Variants in STARD6 observed in about 807,000 individuals in gnomAD.
The protein encoded by STARD6 is stAR-related lipid transfer protein 6.
A neutral mutation model predicts 22.3 loss-of-function variants in STARD6; 21 were observed. That is an observed-to-expected ratio of 0.94 (90% CI 0.67 to 1.35). STARD6 has a LOEUF of 1.35. Among genes scored for constraint, STARD6 ranks in the 40% most tolerant of loss-of-function variants. The pLI, the probability that STARD6 is intolerant of heterozygous loss-of-function variation, is 0.00. For missense variants in STARD6, 269 were observed against 266.9 expected (o/e 1.01, Z -0.05); for synonymous variants, 80 against 88.1 (o/e 0.91, Z 0.52).
chr18:54,340,915 G>A (rs1599303614), intron 4 of STARD6, among the ~76,000 whole-genome samples: 1 of 152,038 alleles, frequency 6.6e-6, no homozygotes, highest in African/African-American at 2.4e-5. Flanking sequence ...ATGATAAAAG[G>A]GTTAACCTGT....
At chr18:54,356,292 A>G (rs1183450701) in intron 2 of STARD6, 69 bp downstream of exon 2, 1 of 152,214 alleles carries the variant, frequency 6.6e-6, no homozygotes, top group African/African-American at 2.4e-5. Flanking sequence ...GATAGTCTCT[A>G]TATTTGAAAA....
chr18:54,344,757 C>T (rs2089019890), intron 4 of STARD6, among the ~76,000 whole-genome samples: 2 of 152,048 alleles, frequency 1.3e-5, no homozygotes, highest in East Asian at 3.9e-4. Context: ...TATGAATTAT[C>T]AATTACTACA....
At chr18:54,333,035 C>T (rs1395460173) in intron 5 of STARD6, among the ~76,000 whole-genome samples, 1 of 152,182 alleles carries the variant, frequency 6.6e-6, no homozygotes, top group East Asian at 1.9e-4. Flanking sequence ...AGTCCTGGTT[C>T]TATCACATAT....
intron 1 of STARD6, among the ~76,000 whole-genome samples, 183 bp downstream of exon 1, chr18:54,357,609 G>A (rs931777845): frequency 6.6e-6 from 1 of 152,162 alleles, no homozygotes; most frequent in Non-Finnish European, 1.5e-5. Context: ...GCGCCCTTAA[G>A]TCTCCCTCCC....
intron 4 of STARD6, among the ~76,000 whole-genome samples, chr18:54,343,309 C>T (rs1331528576): frequency 7.5e-6 from 1 of 132,720 alleles, no homozygotes; most frequent in East Asian, 2.2e-4. Flanking sequence ...GCCCAGCAGC[C>T]ACCCCATCTG....
intron 7 of STARD6, among the ~76,000 whole-genome samples, chr18:54,326,833 G>A (rs2088829342): frequency 6.6e-6 from 1 of 151,896 alleles, no homozygotes; most frequent in African/African-American, 2.4e-5. Context: ...ACACATTTAT[G>A]TTAATAAATT....
chr18:54,337,206 A>G lies in STARD6; in HGVS notation c.186T>C (p.Ser62=), dbSNP rs1237417759. Residue 62 remains serine (S), a synonymous_variant, in exon 5 of 8, where the codon TCT becomes TCC. Coordinates refer to ENST00000307844, the MANE Select transcript of STARD6 (RefSeq NM_139171.2). ...GIIPESPAKL[S]DFLYQTGDRI... ...TGTCTCCAGTTTGGTAGAGGAAATC[A>G]GATAGTTTAGCTGGTGATTCTGGAA... 3.7e-6 allele frequency: 6 copies of G among 1,613,398 alleles called. No individual in the cohort carries two copies. The highest frequency in any genetic ancestry group is 5.1e-6 in the Non-Finnish European group (6 of 1,179,646).
At chr18:54,351,518 C>T (rs557355857) in intron 4 of STARD6, among the ~76,000 whole-genome samples, 9 of 152,190 alleles carry the variant, frequency 5.9e-5, no homozygotes, top group Admixed American at 3.3e-4. Context: ...ATCCTTTTCC[C>T]GTTCCAGTTT....
chr18:54,354,126 C>A, intron 3 of STARD6, 23 bp from the exon 4 acceptor site: 3 of 1,457,586 alleles, frequency 2.1e-6, no homozygotes, highest in South Asian at 1.4e-5. Context: ...TAAAAATCCA[C>A]AAATAATTAG....
chr18:54,353,411 G>A (rs2089115179), intron 4 of STARD6, among the ~76,000 whole-genome samples: 1 of 152,220 alleles, frequency 6.6e-6, no homozygotes, highest in East Asian at 1.9e-4. Context: ...GCTCACACCT[G>A]TAATCCCAGC....
intron 5 of STARD6, among the ~76,000 whole-genome samples, chr18:54,332,479 A>C (rs1413438010): frequency 6.6e-6 from 1 of 152,162 alleles, no homozygotes. Flanking sequence ...GAATCATTCA[A>C]ACAAGTCAAT....
chr18:54,353,069 T>C (rs1435715966), intron 4 of STARD6, among the ~76,000 whole-genome samples: 2 of 152,196 alleles, frequency 1.3e-5, no homozygotes, highest in African/African-American at 2.4e-5. Context: ...GGAGAAAGCA[T>C]ATCAGCTTTG....
At chr18:54,329,519 A>T in intron 6 of STARD6, 79 bp from the exon 7 acceptor site, 1 of 1,181,178 alleles carries the variant, frequency 8.5e-7, no homozygotes, top group Non-Finnish European at 1.2e-6. Flanking sequence ...TTTTAGAAAC[A>T]TATAGCATTT....
At chr18:54,340,128 A>G (rs2088956967) in intron 4 of STARD6, among the ~76,000 whole-genome samples, 1 of 152,192 alleles carries the variant, frequency 6.6e-6, no homozygotes, top group Non-Finnish European at 1.5e-5. Context: ...TGGGTAAGAT[A>G]GAAATATCTT....
At chr18:54,344,947 A>G (rs2089021438) in intron 4 of STARD6, among the ~76,000 whole-genome samples, 1 of 152,208 alleles carries the variant, frequency 6.6e-6, no homozygotes, top group Admixed American at 6.5e-5. Context: ...ATCAAACTTA[A>G]TGGTGGAAAA....
chr18:54,353,063 A>G (rs778108318), intron 4 of STARD6, among the ~76,000 whole-genome samples: 1 of 152,220 alleles, frequency 6.6e-6, no homozygotes, highest in South Asian at 2.1e-4. Context: ...TGAGTGGGAG[A>G]AAGCATATCA....
intron 5 of STARD6, among the ~76,000 whole-genome samples, chr18:54,332,660 A>T (rs2088874741): frequency 6.6e-6 from 1 of 152,128 alleles, no homozygotes; most frequent in Admixed American, 6.5e-5. Flanking sequence ...TCACTTGTCC[A>T]TTGGTGGGTA....
At position 54,331,763 on chromosome 18, in the gene STARD6, C is replaced by G; in HGVS notation, c.364G>C (p.Gly122Arg). The change falls in exon 6 of 8, where the codon GGA becomes CGA. Residue 122 changes from glycine (G) to arginine (R), a missense_variant. Gly to Arg is a moderately radical substitution (Grantham distance 125). Coordinates refer to ENST00000307844, the MANE Select transcript of STARD6 (RefSeq NM_139171.2). Reference protein sequence around the residue: ...IDLVYIKRYEGNMNIISSKSV... With the variant: ...IDLVYIKRYERNMNIISSKSV... ...TTACAACTGATAATGTTCATATTTC[C>G]TTCGTAGCGCTTGATGTACACTAAG... The G allele has an allele frequency of 6.2e-7, 1 of 1,609,812 alleles. No homozygotes were observed. The highest frequency in any genetic ancestry group is 1.1e-5 in the South Asian group (1 of 90,268).
At chr18:54,327,848 C>T (rs1032846463) in intron 7 of STARD6, among the ~76,000 whole-genome samples, 1 of 152,012 alleles carries the variant, frequency 6.6e-6, no homozygotes, top group African/African-American at 2.4e-5. Flanking sequence ...ACACCGAGAA[C>T]AGAGTAGTTC....
Sources: allele counts gnomAD v4.1 joint callset (sites outside exome capture counted in the v4.1 genomes callset), GRCh38; gene constraint gnomAD v4.1.1; transcripts MANE v1.5; gene names NCBI Gene and HGNC (gene_info 2026-07-23, HGNC 2026-07-21).